The following DST variants were observed in gnomAD, a reference collection of about 807,000 sequenced individuals.
DST encodes dystonin, also known as bullous pemphigoid antigen.
A neutral mutation model predicts 875.2 loss-of-function variants in DST; 253 were observed. That is an observed-to-expected ratio of 0.29 (90% CI 0.26 to 0.32). DST has a LOEUF of 0.32. Among genes scored for constraint, DST ranks in the 10% least tolerant of loss-of-function variants. DST has a pLI of 1.00. For synonymous variants in DST, 3,124 were observed against 3,197.1 expected, an observed-to-expected ratio of 0.98 and a Z score of 0.77; for missense variants, 8,287 against 9,111.6, an observed-to-expected ratio of 0.91 and a Z score of 3.68.
intron 72 of DST, 65 bp from the exon 73 acceptor site, chr6:56,511,465 C>A (rs908101847): frequency 2.2e-6 from 3 of 1,347,962 alleles, no homozygotes; most frequent in East Asian, 2.5e-5. Context: ...GCTGTCTACA[C>A]CTGCAATGCA....
chr6:56,569,325 GAA>G (rs755987516), intron 54 of DST, among the ~76,000 whole-genome samples: 2 of 94,812 alleles, frequency 2.1e-5, no homozygotes, highest in African/African-American at 4.1e-5. Flanking sequence ...ACTCTGTCTC[GAA>G]AAAAAAAAAA....
At chr6:56,930,862 C>T (rs1392801186) in intron 2 of DST, among the ~76,000 whole-genome samples, 1 of 152,166 alleles carries the variant, frequency 6.6e-6, no homozygotes, top group East Asian at 1.9e-4. Flanking sequence ...TCAGAATATT[C>T]CTTTGTCACG....
chr6:56,813,760 T>C (rs1429534640), intron 4 of DST, among the ~76,000 whole-genome samples: 4 of 152,180 alleles, frequency 2.6e-5, no homozygotes, highest in African/African-American at 7.2e-5. Flanking sequence ...GGTGTTTTTG[T>C]GGTTGCTCCT....
At chr6:56,670,134 G>GTGTC (rs1491200859) in intron 10 of DST, among the ~76,000 whole-genome samples, 20 of 12,018 alleles carry the variant, frequency 1.7e-3, no homozygotes, top group African/African-American at 6.5e-3. Context: ...GCGCCCGTGC[G>GTGTC]TGTGTGTGTG....
At position 56,605,778 on chromosome 6, in the gene DST, A is replaced by C; in HGVS notation, c.8850T>G (p.Ser2950=). 2.5e-6 allele frequency: 4 copies of C among 1,612,700 alleles called. No homozygotes were observed. Among genetic ancestry groups the C allele is most frequent in the Non-Finnish European group, 3.4e-6 (4 of 1,179,282 alleles). Reference sequence around the variant, plus strand: ...TGTTTGCTAGATCAGTACCTAATTCAGAAGTTGAACTGATATTATTATTAT... The same window carrying C: ...TGTTTGCTAGATCAGTACCTAATTCCGAAGTTGAACTGATATTATTATTAT... ...SHDNNNISST[S]ELGTDLANTK... The change falls in exon 40 of 104, where the codon TCT becomes TCG. Residue 2950 remains serine, a synonymous_variant. Coordinates refer to ENST00000680361, the MANE Select transcript of DST (RefSeq NM_001374736.1).
At chr6:56,558,054 G>A (rs1233467447) in intron 58 of DST, among the ~76,000 whole-genome samples, 2 of 151,952 alleles carry the variant, frequency 1.3e-5, no homozygotes, top group African/African-American at 4.8e-5. Flanking sequence ...CAAAACTGGT[G>A]GACTTTTAAG....
Position 56,822,654 on chromosome 6 carries a change from T to C in DST, c.625+28743A>G, listed in dbSNP as rs866997046. Among the ~76,000 whole-genome samples the C allele has an allele frequency of 2.6e-5, 4 of 151,972 alleles. No homozygotes were observed. The South Asian group carries it at 8.3e-4, about 32-fold the overall frequency. ...AAAATTTCCCAGATCCTCAAATAAA[T>C]CATTAAAATGATAGAATAGGTAACA... On this transcript the variant is annotated intron_variant, in intron 4 of 103. Transcript: ENST00000680361.
chr6:56,627,148 A>AT, intron 34 of DST, 56 bp downstream of exon 34: 1 of 1,260,056 alleles, frequency 7.9e-7, no homozygotes, highest in Admixed American at 1.7e-5. Context: ...TTAACAGTAC[A>AT]TGTAGAATCA....
At chr6:56,632,413 A>T (rs1016258675) in intron 28 of DST, among the ~76,000 whole-genome samples, 14 of 152,252 alleles carry the variant, frequency 9.2e-5, no homozygotes, top group Non-Finnish European at 1.6e-4. Context: ...TAAGATTTTT[A>T]AAAAATAGAA....
intron 55 of DST, among the ~76,000 whole-genome samples, chr6:56,567,749 C>T (rs918222741): frequency 6.6e-6 from 1 of 152,002 alleles, no homozygotes; most frequent in African/African-American, 2.4e-5. Context: ...GACTAGATAC[C>T]CCACAGAGGA....
chr6:56,927,916 T>C (rs1257706930), intron 2 of DST, among the ~76,000 whole-genome samples: 1 of 152,032 alleles, frequency 6.6e-6, no homozygotes, highest in African/African-American at 2.4e-5. Context: ...CACCTCCAGT[T>C]TGAGGGGTTC....
In DST at chr6:56,606,851, A is replaced by G. The variant is rs776276011; in HGVS notation, c.7777T>C (p.Ser2593Pro). 73 of 1,613,126 alleles carry G rather than the reference A, an allele frequency of 4.5e-5. No homozygotes were observed. Among genetic ancestry groups the G allele is most frequent in the Non-Finnish European group, 5.5e-5 (65 of 1,179,520 alleles). ...TTATTCTGCTGATCATTCAGCAGTGACGTTTCATAGTCACTAGCACTGATG... is the reference window on the plus strand; with the variant it reads ...TTATTCTGCTGATCATTCAGCAGTGGCGTTTCATAGTCACTAGCACTGATG... The part of the protein sequence containing the change: ...ETISASDYET[S>P]LLNDQQNNTG... The change falls in exon 40 of 104, where the codon TCA becomes CCA. Residue 2593 changes from serine to proline, a missense_variant. Physicochemically the swap from Ser to Pro is moderately conservative, Grantham distance 74. Coordinates refer to ENST00000680361, the MANE Select transcript of DST (RefSeq NM_001374736.1).
intron 72 of DST, 75 bp downstream of exon 72, chr6:56,515,374 TG>T (rs2096569079): frequency 1.3e-6 from 2 of 1,507,198 alleles, no homozygotes; most frequent in Non-Finnish European, 1.8e-6. Flanking sequence ...AGTGTTTAAC[TG>T]TACTAAAAAC....
intron 58 of DST, among the ~76,000 whole-genome samples, chr6:56,558,504 T>C (rs1011137927): frequency 3.3e-5 from 5 of 152,096 alleles, no homozygotes; most frequent in African/African-American, 1.2e-4. Flanking sequence ...GATGATGCTG[T>C]TGCTGCTGAT....
rs182427530 is a variant in DST at position 56,537,996 on chromosome 6, T to C, written c.16609-1056A>G. Among the ~76,000 whole-genome samples the C allele has an allele frequency of 4.4e-3, 671 of 152,302 alleles. 4 individuals carry two copies. The highest frequency in any genetic ancestry group is 0.015 in the African/African-American group (643 of 41,570). On this transcript the variant is annotated intron_variant, in intron 61 of 103. Transcript: ENST00000680361. The stretch of plus-strand genomic sequence containing the variant: ...TAGATACATCAATATTATGATTATT[T>C]TTTTGAGACATGGCCTCACTCTGTC...
intron 36 of DST, chr6:56,615,463 A>T (rs2098604480): frequency 1.2e-6 from 2 of 1,611,832 alleles, no homozygotes; most frequent in South Asian, 2.2e-5. Flanking sequence ...ACTCTGAAAA[A>T]GTGGCATGAA....
Position 56,582,362 on chromosome 6 carries a change from T to C in DST, c.12904-3425A>G, listed in dbSNP as rs1414072408. ...GTGAATTCTAGCAAGATCTGGTCAT[T>C]TAAAAGTATGTAGCACTTCCCCACC... On this transcript the variant is annotated intron_variant, in intron 49 of 103. Coordinates refer to ENST00000680361, the MANE Select transcript of DST (RefSeq NM_001374736.1). Among the ~76,000 whole-genome samples the C allele has an allele frequency of 2.0e-5, 3 of 152,088 alleles. No homozygotes were observed. The East Asian group carries it at 5.8e-4, about 29-fold the overall frequency.
At chr6:56,742,964 T>C (rs1221537461) in intron 4 of DST, among the ~76,000 whole-genome samples, 1 of 152,206 alleles carries the variant, frequency 6.6e-6, no homozygotes, top group Non-Finnish European at 1.5e-5. Flanking sequence ...AAAATTAAAG[T>C]TGTAGAGATT....
At chr6:56,498,468 A>G (rs1331870657) in intron 80 of DST, among the ~76,000 whole-genome samples, 1 of 152,126 alleles carries the variant, frequency 6.6e-6, no homozygotes, top group Admixed American at 6.6e-5. Context: ...TACTCTATCA[A>G]TGTCCCCTGA....
Sources: gnomAD v4.1 joint callset for allele counts (sites outside exome capture counted in the v4.1 genomes callset) on GRCh38, gnomAD v4.1.1 for gene constraint, MANE v1.5 for transcripts, NCBI Gene and HGNC (gene_info 2026-07-23, HGNC 2026-07-21) for gene names.